The following DTX1 variants were observed in gnomAD, a reference collection of about 807,000 sequenced individuals.
DTX1 encodes the protein deltex E3 ubiquitin ligase 1, also known as E3 ubiquitin-protein ligase DTX1.
In DTX1, 26 loss-of-function variants were observed where a neutral mutation model predicts 57.8. The observed-to-expected ratio is 0.45, with a 90% CI of 0.33 to 0.62. DTX1 has a LOEUF of 0.62. Among genes scored for constraint, DTX1 ranks in the 20% least tolerant of loss-of-function variants. The pLI is 0.02. For missense variants in DTX1, 704 were observed against 895.3 expected (o/e 0.79, Z 2.73); for synonymous variants, 398 against 394.1 (o/e 1.01, Z -0.12).
In DTX1 at chr12:113,077,332, T is replaced by C; in HGVS notation, c.260-92T>C. 9.9e-7 allele frequency: 1 copy of C among 1,013,280 alleles called. No homozygotes were observed. The highest frequency in any genetic ancestry group is 1.4e-6 in the Non-Finnish European group (1 of 738,650). 62.8% of individuals were successfully genotyped at this position (1,013,280 alleles called of 1,614,324 possible). A position where few individuals can be genotyped will look rare whatever the true frequency, so the allele number is the denominator to read the frequency against. ...GGAGGCCTGTGCTGACCCCCCAACC[T>C]CCCGCCCACCCTTGCCTGGCTGTGG... On this transcript the variant is annotated intron_variant, in intron 2 of 9. Coordinates refer to ENST00000548759, the MANE Select transcript of DTX1 (RefSeq NM_004416.3). This position sits in a 1 kb window ranked among gnomAD's most constrained non-coding sequence, Gnocchi z 7.8.
chr12:113,096,484 G>A (rs888960599), intron 9 of DTX1, among the ~76,000 whole-genome samples: 29 of 150,660 alleles, frequency 1.9e-4, no homozygotes, highest in African/African-American at 6.8e-4. Context: ...AAAAGAAAAG[G>A]AAAGAAAAGA....
chr12:113,063,208 G>C (rs1390647220), intron 2 of DTX1, among the ~76,000 whole-genome samples: 1 of 152,234 alleles, frequency 6.6e-6, no homozygotes, highest in Non-Finnish European at 1.5e-5. Context: ...CTGGTGGCTG[G>C]GCTGGGCCCA....
intron 2 of DTX1, among the ~76,000 whole-genome samples, chr12:113,073,195 G>A (rs976610441): frequency 2.6e-5 from 4 of 152,134 alleles, no homozygotes; most frequent in African/African-American, 4.8e-5. Context: ...GCTGAATGGT[G>A]GTACTTCAGG....
intron 2 of DTX1, among the ~76,000 whole-genome samples, chr12:113,059,594 C>T (rs762376479): frequency 6.6e-6 from 1 of 152,006 alleles, no homozygotes; most frequent in African/African-American, 2.4e-5. Flanking sequence ...GTGACAAGCT[C>T]CATGGGCAGT....
chr12:113,066,360 C>T (rs1244448620), intron 2 of DTX1, among the ~76,000 whole-genome samples: 1 of 152,028 alleles, frequency 6.6e-6, no homozygotes, highest in Non-Finnish European at 1.5e-5. Flanking sequence ...AAAACCCCCT[C>T]TCTACTAAAA....
At chr12:113,062,065 A>ACACACT (rs1566012848) in intron 2 of DTX1, among the ~76,000 whole-genome samples, 1 of 147,744 alleles carries the variant, frequency 6.8e-6, no homozygotes, top group Non-Finnish European at 1.5e-5. Flanking sequence ...ACACACACAC[A>ACACACT]CACACTCCAA....
chr12:113,077,475 G>T lies in DTX1; in HGVS notation c.311G>T (p.Gly104Val). The T allele has an allele frequency of 6.2e-7, 1 of 1,612,792 alleles. No homozygotes were observed. The highest frequency in any genetic ancestry group is 8.5e-7 in the Non-Finnish European group (1 of 1,179,866). Residue 104 changes from glycine (G) to valine (V), a missense_variant, in exon 3 of 10, where the codon GGC (glycine) becomes GTC (valine). Physicochemically the swap from Gly to Val is moderately radical, Grantham distance 109. Coordinates refer to ENST00000548759, the MANE Select transcript of DTX1 (RefSeq NM_004416.3). The surrounding 1 kb of genome is among the most constrained non-coding windows in gnomAD (Gnocchi z 7.8). ...TTCTACGACCCGTCGTCGGCGCCGG[G>T]CAAGGGCATCGTGTGGGAGTGGGAG... ...RNFYDPSSAPGKGIVWEWEND... is the reference protein window; with the variant it reads ...RNFYDPSSAPVKGIVWEWEND...
chr12:113,093,122 G>A lies in DTX1; in HGVS notation c.942-40G>A, dbSNP rs1328066266. 3.8e-6 allele frequency: 6 copies of A among 1,562,272 alleles called. No individual in the cohort carries two copies. Among genetic ancestry groups the A allele is most frequent in the Non-Finnish European group, 4.3e-6 (5 of 1,153,112 alleles). ...CCAGGTCCCCTGACGTCGCTTCGGG[G>A]GCTGGAGTCCAGCTGCGGCCTCTTC... On this transcript the variant is annotated intron_variant, in intron 3 of 9. Transcript: ENST00000548759. This position sits in a 1 kb window ranked among gnomAD's most constrained non-coding sequence, Gnocchi z 4.2.
At chr12:113,059,335 A>T (rs2136421496) in intron 2 of DTX1, among the ~76,000 whole-genome samples, 1 of 151,620 alleles carries the variant, frequency 6.6e-6, no homozygotes, top group East Asian at 1.9e-4. Context: ...AAATGAGAGA[A>T]TGATGTTGGT....
In DTX1 at chr12:113,097,371, G is replaced by A. The variant is rs1950316714; in HGVS notation, c.*432G>A. ...CTTGTCTGCAAACTGGAGGATGCGG[G>A]GCAAGCCCTTAGGGGCCTGCCAGGG... is the stretch of plus-strand genomic sequence containing the variant. On this transcript the variant is annotated 3_prime_UTR_variant, in exon 10 of 10. Coordinates refer to ENST00000548759, the MANE Select transcript of DTX1 (RefSeq NM_004416.3). 6.4e-6 allele frequency: 1 copy of A among 157,168 alleles called. No individual in the cohort carries two copies. Among genetic ancestry groups the A allele is most frequent in the African/African-American group, 2.4e-5 (1 of 41,572 alleles). 9.7% of individuals were successfully genotyped at this position (157,168 alleles called of 1,614,324 possible).
At chr12:113,080,045 A>G (rs906109919) in intron 3 of DTX1, among the ~76,000 whole-genome samples, 17 of 151,966 alleles carry the variant, frequency 1.1e-4, no homozygotes, top group East Asian at 5.8e-4. Context: ...GCTCTCCAGG[A>G]GGAGGGTTGG....
chr12:113,095,762 T>C (rs1012469802), intron 9 of DTX1: 2 of 291,466 alleles, frequency 6.9e-6, no homozygotes, highest in South Asian at 1.4e-4. Flanking sequence ...TTTGACTTTC[T>C]GCTTTTCAAG....
chr12:113,071,456 T>G (rs2044737597), intron 2 of DTX1, among the ~76,000 whole-genome samples: 1 of 152,258 alleles, frequency 6.6e-6, no homozygotes, highest in African/African-American at 2.4e-5. Context: ...CCCATGTTTG[T>G]CACAGGCCCC....
Position 113,093,232 on chromosome 12 carries a change from T to G in DTX1, c.1003+9T>G. 1 of 1,591,034 alleles carries G rather than the reference T, an allele frequency of 6.3e-7. No homozygotes were observed. The highest frequency in any genetic ancestry group is 1.3e-5 in the African/African-American group (1 of 74,530). On this transcript the variant is annotated intron_variant, in intron 4 of 9. Coordinates refer to ENST00000548759, the MANE Select transcript of DTX1 (RefSeq NM_004416.3). This position sits in a 1 kb window ranked among gnomAD's most constrained non-coding sequence, Gnocchi z 4.2. ...CCATCCGGCCCTGGCAGGTGAGGTC[T>G]GGCCCAGGGCGGGAAAGAAGGGCGG...
Position 113,077,561 on chromosome 12 carries a change from T to A in DTX1, c.397T>A (p.Tyr133Asn), listed in dbSNP as rs557745547. ...CATCTGCATCACCATCCAGAACGCC[T>A]ACGAGAAGCAGCACCCGTGGCTCGA... ...MDICITIQNA[Y>N]EKQHPWLDLS... Residue 133 changes from tyrosine (Y) to asparagine (N), a missense_variant, in exon 3 of 10, where the codon TAC becomes AAC. Around this residue, in one of 3 missense-constraint regions of DTX1, gnomAD observed 237 missense variants for 328.6 expected, o/e 0.72. Transcript: ENST00000548759. The surrounding 1 kb of genome is among the most constrained non-coding windows in gnomAD (Gnocchi z 7.8). 1 of 1,613,816 alleles carries A rather than the reference T, an allele frequency of 6.2e-7. No individual in the cohort carries two copies. The highest frequency in any genetic ancestry group is 1.3e-5 in the African/African-American group (1 of 74,980).
At position 113,093,725 on chromosome 12, in the gene DTX1, C is replaced by A; in HGVS notation, c.1165+25C>A. ...AGTACGCCCTCCACGCCCTGCCTCA[C>A]ACGAGATGAACCCCACTAAGCCTTG... is the stretch of plus-strand genomic sequence containing the variant. On this transcript the variant is annotated intron_variant, in intron 5 of 9. Transcript: ENST00000548759. The surrounding 1 kb of genome is among the most constrained non-coding windows in gnomAD (Gnocchi z 4.2). The A allele has an allele frequency of 6.2e-7, 1 of 1,611,018 alleles. No homozygotes were observed. Among genetic ancestry groups the A allele is most frequent in the South Asian group, 1.1e-5 (1 of 90,680 alleles).
chr12:113,063,322 G>A (rs1315836968), intron 2 of DTX1, among the ~76,000 whole-genome samples: 3 of 152,186 alleles, frequency 2.0e-5, no homozygotes, highest in African/African-American at 7.2e-5. Context: ...CATCTTCCCT[G>A]GGGGGTCATT....
Position 113,097,001 on chromosome 12 carries a change from C to T in DTX1, c.*62C>T. 2 of 1,506,750 alleles carry T rather than the reference C, an allele frequency of 1.3e-6. No individual in the cohort carries two copies. The highest frequency in any genetic ancestry group is 2.0e-5 in the Admixed American group (1 of 50,640). 93.3% of individuals were successfully genotyped at this position (1,506,750 alleles called of 1,614,324 possible). A position where few individuals can be genotyped will look rare whatever the true frequency, so the allele number is the denominator to read the frequency against. ...CTGGTCCGGCAAATGCCTCCTTCGCCAGGTGTGTCCTGGTAGCCCAGGTTC... is the reference window on the plus strand; with the variant it reads ...CTGGTCCGGCAAATGCCTCCTTCGCTAGGTGTGTCCTGGTAGCCCAGGTTC... On this transcript the variant is annotated 3_prime_UTR_variant, in exon 10 of 10. Transcript: ENST00000548759.
intron 2 of DTX1, among the ~76,000 whole-genome samples, chr12:113,075,009 A>G (rs1168563116): frequency 6.6e-6 from 1 of 152,198 alleles, no homozygotes; most frequent in Non-Finnish European, 1.5e-5. Flanking sequence ...GGGAAGGGTC[A>G]TGAACCTGGC....
Sources: allele counts gnomAD v4.1 joint callset (sites outside exome capture counted in the v4.1 genomes callset), GRCh38; gene constraint gnomAD v4.1.1; regional missense constraint gnomAD v4.1.1; non-coding constraint Gnocchi (gnomAD v3.1); transcripts MANE v1.5; gene names NCBI Gene and HGNC (gene_info 2026-07-23, HGNC 2026-07-21).